PKIB: variants seen among roughly 807,000 people sequenced by gnomAD.
PKIB encodes cAMP-dependent protein kinase inhibitor beta.
In PKIB, 2 loss-of-function variants were observed where a neutral mutation model predicts 4.5. That is an observed-to-expected ratio of 0.44 (90% CI 0.18 to 1.39). PKIB has a LOEUF of 1.39. Ranked by LOEUF, PKIB falls within the 40% of genes most tolerant of loss-of-function variation. The pLI is 0.27. For synonymous variants in PKIB, 38 were observed against 36.0 expected, an observed-to-expected ratio of 1.06 and a Z score of -0.20; for missense variants, 94 against 92.6, an observed-to-expected ratio of 1.02 and a Z score of -0.06.
At chr6:122,475,531 A>G (rs1775431244) in intron 1 of PKIB, among the ~76,000 whole-genome samples, 1 of 152,144 alleles carries the variant, frequency 6.6e-6, no homozygotes, top group South Asian at 2.1e-4. Flanking sequence ...CACGCCTGTA[A>G]TCCCAGCACT....
At chr6:122,710,704 C>A (rs7450883) in intron 3 of PKIB, among the ~76,000 whole-genome samples, 1 of 152,208 alleles carries the variant, frequency 6.6e-6, no homozygotes, top group African/African-American at 2.4e-5. Context: ...TCACAGACTG[C>A]CAGTTAAGGC....
At chr6:122,629,566 C>G (rs1293960284) in intron 1 of PKIB, among the ~76,000 whole-genome samples, 1 of 152,016 alleles carries the variant, frequency 6.6e-6, no homozygotes, top group Non-Finnish European at 1.5e-5. Context: ...GACTTCTTTC[C>G]CAAAAATACA....
chr6:122,565,088 G>A (rs1447807609), intron 2 of PKIB, among the ~76,000 whole-genome samples: 2 of 152,124 alleles, frequency 1.3e-5, no homozygotes, highest in Non-Finnish European at 2.9e-5. Context: ...AAGTGGCACC[G>A]AATAATTAGT....
chr6:122,508,716 A>G (rs1023616427), intron 2 of PKIB, among the ~76,000 whole-genome samples: 3 of 152,152 alleles, frequency 2.0e-5, no homozygotes, highest in Admixed American at 6.5e-5. Context: ...CTTGTACAAC[A>G]TAAGTTGAAT....
intron 3 of PKIB, among the ~76,000 whole-genome samples, chr6:122,677,071 A>C (rs1777701527): frequency 6.6e-6 from 1 of 151,290 alleles, no homozygotes; most frequent in Non-Finnish European, 1.5e-5. Flanking sequence ...GGTATTTGTA[A>C]AGTCACTGGA....
At chr6:122,646,121 TTATC>T (rs1473342587) in intron 2 of PKIB, among the ~76,000 whole-genome samples, 1 of 152,180 alleles carries the variant, frequency 6.6e-6, no homozygotes, top group Non-Finnish European at 1.5e-5. Flanking sequence ...TAGGAAGAGG[TTATC>T]TATCTAAGAA....
intron 2 of PKIB, among the ~76,000 whole-genome samples, chr6:122,580,667 A>T (rs1285028894): frequency 6.6e-6 from 1 of 152,064 alleles, no homozygotes; most frequent in Admixed American, 6.6e-5. Context: ...TATATGCACT[A>T]TACACTACAA....
At chr6:122,607,105 T>TAAATA (rs959210617), upstream of PKIB, among the ~76,000 whole-genome samples, 339 of 149,398 alleles carry the variant, frequency 2.3e-3, 3 homozygotes, top group Middle Eastern at 0.01. Flanking sequence ...AATAAATAAA[T>TAAATA]AAATAAAATA....
intron 3 of PKIB, among the ~76,000 whole-genome samples, chr6:122,710,003 T>G (rs1484946253): frequency 6.6e-6 from 1 of 152,184 alleles, no homozygotes; most frequent in Non-Finnish European, 1.5e-5. Flanking sequence ...AACTGAACTT[T>G]CAGTCTTATT....
chr6:122,596,167 T>C (rs774113941), intron 3 of PKIB, among the ~76,000 whole-genome samples: 5 of 152,200 alleles, frequency 3.3e-5, no homozygotes, highest in Middle Eastern at 3.2e-3. Flanking sequence ...ACTGGGAAGA[T>C]TGCCCTTCAC....
intron 2 of PKIB, among the ~76,000 whole-genome samples, chr6:122,556,031 G>A (rs1772826939): frequency 6.6e-6 from 1 of 152,158 alleles, no homozygotes; most frequent in African/African-American, 2.4e-5. Context: ...ATCTCATCTT[G>A]AATTGTAATC....
At chr6:122,586,917 CT>C (rs1008601858) in intron 3 of PKIB, among the ~76,000 whole-genome samples, 1 of 152,240 alleles carries the variant, frequency 6.6e-6, no homozygotes, top group African/African-American at 2.4e-5. Context: ...CTGCCTCCAC[CT>C]GGGTGGGGTG....
upstream of PKIB, among the ~76,000 whole-genome samples, chr6:122,606,571 C>CAAAAAAAAAG (rs10695767): frequency 3.3e-5 from 4 of 119,576 alleles, no homozygotes; most frequent in Admixed American, 8.9e-5. Flanking sequence ...GACTCTGTCT[C>CAAAAAAAAAG]AAAAAAGAAA....
intron 2 of PKIB, among the ~76,000 whole-genome samples, chr6:122,543,807 A>C (rs1772397510): frequency 6.6e-6 from 1 of 152,036 alleles, no homozygotes; most frequent in Non-Finnish European, 1.5e-5. Flanking sequence ...AATACTTTCA[A>C]CTCATTATGT....
At chr6:122,721,089 G>A (rs1453996111) in intron 4 of PKIB, among the ~76,000 whole-genome samples, 2 of 152,162 alleles carry the variant, frequency 1.3e-5, no homozygotes, top group Non-Finnish European at 2.9e-5. Context: ...AGCCACATGA[G>A]TAGATTACCT....
At chr6:122,534,520 C>T (rs879497871) in intron 2 of PKIB, among the ~76,000 whole-genome samples, 9 of 152,092 alleles carry the variant, frequency 5.9e-5, no homozygotes, top group Admixed American at 6.6e-5. Context: ...AAACATGGCA[C>T]TGTGGTAGAA....
intron 3 of PKIB, among the ~76,000 whole-genome samples, chr6:122,708,282 A>G (rs996841900): frequency 3.9e-5 from 6 of 152,180 alleles, no homozygotes; most frequent in Non-Finnish European, 8.8e-5. Flanking sequence ...GACTCTGTCA[A>G]TATTATCTTT....
intron 2 of PKIB, among the ~76,000 whole-genome samples, chr6:122,554,007 G>A (rs1772766198): frequency 6.6e-6 from 1 of 152,168 alleles, no homozygotes; most frequent in African/African-American, 2.4e-5. Context: ...CCAGTATTCT[G>A]GTGGACATTT....
intron 1 of PKIB, among the ~76,000 whole-genome samples, chr6:122,616,750 G>A (rs1775008998): frequency 6.6e-6 from 1 of 151,576 alleles, no homozygotes; most frequent in Non-Finnish European, 1.5e-5. Flanking sequence ...GTTATGCTAA[G>A]AGAAAGGAAA....
Sources: gnomAD v4.1 joint callset for allele counts (sites outside exome capture counted in the v4.1 genomes callset) on GRCh38, gnomAD v4.1.1 for gene constraint, MANE v1.5 for transcripts, NCBI Gene and HGNC (gene_info 2026-07-23, HGNC 2026-07-21) for gene names.